PCDHGB1: variants seen among roughly 807,000 people sequenced by gnomAD.
PCDHGB1 encodes protocadherin gamma-B1.
A neutral mutation model predicts 56.6 loss-of-function variants in PCDHGB1; 34 were observed. That is an observed-to-expected ratio of 0.60 (90% CI 0.46 to 0.80). The LOEUF is 0.80. Among genes scored for constraint, PCDHGB1 ranks in the 30% least tolerant of loss-of-function variants. PCDHGB1 has a pLI of 0.00. For missense variants in PCDHGB1, 1,278 were observed against 1,204.6 expected (o/e 1.06, Z -0.90); for synonymous variants, 561 against 505.9 (o/e 1.11, Z -1.46).
intron 1 of PCDHGB1, chr5:141,478,053 T>A (rs1461280529): frequency 1.2e-6 from 2 of 1,614,010 alleles, no homozygotes; most frequent in Non-Finnish European, 1.7e-6. Context: ...ACTCTCACGG[T>A]CTTGATCAAA....
intron 2 of PCDHGB1, among the ~76,000 whole-genome samples, chr5:141,500,877 AT>A (rs369345007): frequency 5.2e-4 from 64 of 122,250 alleles, no homozygotes; most frequent in Admixed American, 1.0e-3. Context: ...TTCATTTACA[AT>A]TTTTTTTTTT....
At chr5:141,370,485 G>T (rs905115445) in intron 1 of PCDHGB1, 1 of 1,613,916 alleles carries the variant, frequency 6.2e-7, no homozygotes, top group Admixed American at 1.7e-5. Context: ...GGCTCTCTCC[G>T]AACCGATCCG....
At chr5:141,361,809 T>G (rs755899945) in intron 1 of PCDHGB1, 1 of 1,612,970 alleles carries the variant, frequency 6.2e-7, no homozygotes, top group Non-Finnish European at 8.5e-7. Context: ...TCAATGACAA[T>G]GCGCCACGGG....
At chr5:141,448,480 C>A (rs889742803) in intron 1 of PCDHGB1, among the ~76,000 whole-genome samples, 1 of 152,184 alleles carries the variant, frequency 6.6e-6, no homozygotes, top group Admixed American at 6.6e-5. Flanking sequence ...ACCCTTGCTT[C>A]CTCCTGTCCC....
At chr5:141,435,800 A>G (rs530461064) in intron 1 of PCDHGB1, among the ~76,000 whole-genome samples, 20 of 152,128 alleles carry the variant, frequency 1.3e-4, no homozygotes, top group Non-Finnish European at 2.6e-4. Flanking sequence ...ATAACGTCCC[A>G]ATTATTTTTT....
chr5:141,405,319 GC>G, intron 1 of PCDHGB1: 1 of 1,614,176 alleles, frequency 6.2e-7, no homozygotes, highest in Non-Finnish European at 8.5e-7. Context: ...AGAAAAATGA[GC>G]CTTTGTGCGT....
chr5:141,424,203 GC>G (rs777832241), intron 1 of PCDHGB1: 3 of 175,740 alleles, frequency 1.7e-5, no homozygotes, highest in Non-Finnish European at 3.6e-5. Flanking sequence ...ATACACGTAA[GC>G]TTTTCTCTGA....
intron 1 of PCDHGB1, among the ~76,000 whole-genome samples, chr5:141,359,513 A>G (rs573268239): frequency 5.3e-5 from 8 of 151,392 alleles, no homozygotes; most frequent in African/African-American, 1.9e-4. Flanking sequence ...TAACTATATT[A>G]TGGGCCACTA....
intron 1 of PCDHGB1, chr5:141,415,791 C>CTTT: frequency 1.5e-6 from 2 of 1,341,938 alleles, no homozygotes; most frequent in Non-Finnish European, 1.9e-6. Flanking sequence ...GTAAAATTCA[C>CTTT]CTAGTCTCAA....
chr5:141,461,655 ATTTTAAAG>A (rs2099019832), intron 1 of PCDHGB1, among the ~76,000 whole-genome samples: 1 of 152,022 alleles, frequency 6.6e-6, no homozygotes, highest in African/African-American at 2.4e-5. Flanking sequence ...CCCATGGATT[ATTTTAAAG>A]TTTGTTATTT....
chr5:141,410,009 T>G, intron 1 of PCDHGB1: 1 of 1,613,318 alleles, frequency 6.2e-7, no homozygotes, highest in Non-Finnish European at 8.5e-7. Context: ...ACACAACGCC[T>G]GGCTGTCCTA....
intron 1 of PCDHGB1, chr5:141,399,287 C>A: frequency 6.2e-7 from 1 of 1,613,912 alleles, no homozygotes; most frequent in Non-Finnish European, 8.5e-7. Context: ...GGCGAAGTCC[C>A]TTTTAAGATT....
intron 1 of PCDHGB1, among the ~76,000 whole-genome samples, chr5:141,450,682 T>C (rs112841569): frequency 0.042 from 6,384 of 151,996 alleles, 168 homozygotes; most frequent in Middle Eastern, 0.086. Context: ...AAACGGGGTT[T>C]TGCCATGTTG....
In PCDHGB1 at chr5:141,357,746, G is replaced by A; in HGVS notation, c.2409+5077G>A. ...TCTTTTAATATTTTATTGCTTTAAAGAAAACTGGTGGATGACCTTCCAATA... is the reference window on the plus strand; with the variant it reads ...TCTTTTAATATTTTATTGCTTTAAAAAAAACTGGTGGATGACCTTCCAATA... On this transcript the variant is annotated intron_variant, in intron 1 of 3. Coordinates refer to ENST00000523390, the MANE Select transcript of PCDHGB1 (RefSeq NM_018922.3). 3 of 1,173,014 alleles carry A rather than the reference G, an allele frequency of 2.6e-6. No individual in the cohort carries two copies. In the South Asian group the frequency reaches 4.9e-5, roughly 19 times the overall value. 72.7% of individuals were successfully genotyped at this position (1,173,014 alleles called of 1,614,324 possible). A position where few individuals can be genotyped will look rare whatever the true frequency, so the allele number is the denominator to read the frequency against.
intron 1 of PCDHGB1, chr5:141,366,496 A>T (rs1346215388): frequency 6.2e-7 from 1 of 1,614,218 alleles, no homozygotes; most frequent in East Asian, 2.2e-5. Context: ...GGCACAAGTC[A>T]CGCCTGCTTC....
At chr5:141,375,529 C>A (rs370346410) in intron 1 of PCDHGB1, 3 of 1,614,026 alleles carry the variant, frequency 1.9e-6, no homozygotes, top group African/African-American at 1.3e-5. Flanking sequence ...CTGACGTGGA[C>A]CAGAACGCCC....
chr5:141,354,965 A>T, intron 1 of PCDHGB1: 2 of 506,414 alleles, frequency 3.9e-6, no homozygotes, highest in Non-Finnish European at 6.6e-6. Context: ...ACAGGTTAAG[A>T]CTCTGGGTGT....
At chr5:141,510,850 G>A in intron 3 of PCDHGB1, 97 bp from the exon 4 acceptor site, 4 of 1,599,444 alleles carry the variant, frequency 2.5e-6, no homozygotes, top group South Asian at 1.1e-5. Context: ...AAGGCCCAGG[G>A]TGCTGTATAG....
Position 141,351,146 on chromosome 5 carries a change from G to C in PCDHGB1, c.886G>C (p.Asp296His), listed in dbSNP as rs868865355. 1.2e-6 allele frequency: 2 copies of C among 1,613,840 alleles called. No homozygotes were observed. The highest frequency in any genetic ancestry group is 1.7e-6 in the Non-Finnish European group (2 of 1,179,896). Reference protein sequence around the residue: ...SLFNLNPNTGDITTNGTLDFE... With the variant: ...SLFNLNPNTGHITTNGTLDFE... ...CTTCAATCTCAATCCAAATACTGGC[G>C]ACATCACAACCAATGGCACATTGGA... The change falls in exon 1 of 4, where the codon GAC becomes CAC. Residue 296 changes from aspartate (D) to histidine (H), a missense_variant. Physicochemically the swap from Asp to His is moderately conservative, Grantham distance 81. Transcript: ENST00000523390.
Sources: gnomAD v4.1 joint callset for allele counts (sites outside exome capture counted in the v4.1 genomes callset) on GRCh38, gnomAD v4.1.1 for gene constraint, MANE v1.5 for transcripts, NCBI Gene and HGNC (gene_info 2026-07-23, HGNC 2026-07-21) for gene names.